The following REEP3 variants were observed in gnomAD, a reference collection of about 807,000 sequenced individuals.
REEP3 encodes receptor expression-enhancing protein 3.
REEP3 carries 20 observed loss-of-function variants against 41.3 expected under a neutral mutation model. The ratio of observed to expected loss-of-function variants is 0.48; its 90% confidence interval spans 0.34 to 0.70. REEP3 has a LOEUF of 0.70. Among genes scored for constraint, REEP3 ranks in the 30% least tolerant of loss-of-function variants. The pLI, the probability that REEP3 is intolerant of heterozygous loss-of-function variation, is 0.01. For synonymous variants in REEP3, 104 were observed against 101.8 expected, an observed-to-expected ratio of 1.02 and a Z score of -0.13; for missense variants, 271 against 308.8, an observed-to-expected ratio of 0.88 and a Z score of 0.92.
At chr10:63,535,538 A>G (rs996204128) in intron 1 of REEP3, among the ~76,000 whole-genome samples, 2 of 152,190 alleles carry the variant, frequency 1.3e-5, no homozygotes, top group Admixed American at 6.5e-5. Flanking sequence ...CCCAGAATCA[A>G]GAAGACAACT....
chr10:63,546,963 C>G, intron 1 of REEP3, among the ~76,000 whole-genome samples: 1 of 151,902 alleles, frequency 6.6e-6, no homozygotes, highest in East Asian at 2.0e-4. Flanking sequence ...ACTCTTTCAC[C>G]CAGGCTGGAG....
rs1173704687 is a variant in REEP3, at chr10:63,621,972, T to C, written c.*1103T>C. On this transcript the variant is annotated 3_prime_UTR_variant, in exon 8 of 8. Transcript: ENST00000373758. ...TGCAAAATACAGTTGTCATTAATCC[T>C]GCACATTAGAAATTATTAGAAACAT... 1 of 152,240 alleles carries C rather than the reference T, an allele frequency of 6.6e-6. No individual in the cohort carries two copies. The highest frequency in any genetic ancestry group is 2.4e-5 in the African/African-American group (1 of 41,468). The allele number at this position is 152,240 out of a possible 1,614,324, so 9.4% of individuals were successfully genotyped here. A position where few individuals can be genotyped will look rare whatever the true frequency, so the allele number is the denominator to read the frequency against.
intron 2 of REEP3, among the ~76,000 whole-genome samples, chr10:63,580,839 C>T (rs375927578): frequency 6.6e-6 from 1 of 152,000 alleles, no homozygotes; most frequent in African/African-American, 2.4e-5. Context: ...ATAGCAAGAC[C>T]CTACCTCTAC....
intron 5 of REEP3, among the ~76,000 whole-genome samples, chr10:63,604,944 GC>G (rs1437297324): frequency 1.1e-4 from 16 of 152,134 alleles, no homozygotes; most frequent in African/African-American, 3.9e-4. Flanking sequence ...GCAATTTTGT[GC>G]CCCTACCCTT....
intron 2 of REEP3, among the ~76,000 whole-genome samples, chr10:63,584,448 A>AAAC (rs1955985615): frequency 6.6e-6 from 1 of 151,396 alleles, no homozygotes; most frequent in Non-Finnish European, 1.5e-5. Flanking sequence ...AAAAAAAAAA[A>AAAC]AACTATTTTC....
At chr10:63,571,912 G>T (rs1182266579) in intron 2 of REEP3, among the ~76,000 whole-genome samples, 4 of 152,156 alleles carry the variant, frequency 2.6e-5, no homozygotes, top group Non-Finnish European at 4.4e-5. Context: ...ATTCTACCAT[G>T]CTACCTTTAG....
chr10:63,555,470 C>T (rs975779833), intron 1 of REEP3, among the ~76,000 whole-genome samples: 5 of 152,088 alleles, frequency 3.3e-5, no homozygotes, highest in African/African-American at 1.2e-4. Context: ...TGATGGCTGC[C>T]ATGGCAGAAA....
Position 63,562,414 on chromosome 10 carries a change from T to C in REEP3, c.33-3924T>C, listed in dbSNP as rs191110741. The stretch of plus-strand genomic sequence containing the variant: ...CTGGGATTACAGGCATGCATCACCA[T>C]GCCTGCTAATTTTTGTATTTTTAGT... On this transcript the variant is annotated intron_variant, in intron 1 of 7. Transcript: ENST00000373758. Among the ~76,000 whole-genome samples the C allele has an allele frequency of 4.4e-3, 666 of 152,138 alleles. 7 individuals are homozygous for C. The highest frequency in any genetic ancestry group is 0.015 in the African/African-American group (629 of 41,516).
At chr10:63,539,460 G>C (rs934128780) in intron 1 of REEP3, among the ~76,000 whole-genome samples, 2 of 152,136 alleles carry the variant, frequency 1.3e-5, no homozygotes, top group Non-Finnish European at 2.9e-5. Flanking sequence ...AAACATGGTT[G>C]ATAGACCATA....
chr10:63,562,570 T>G, intron 1 of REEP3: 1 of 456,514 alleles, frequency 2.2e-6, no homozygotes, highest in Non-Finnish European at 4.4e-6. Context: ...AGGCAGAGAT[T>G]GTTAATGATG....
rs547334475 is a variant in REEP3, at chr10:63,569,825, C to T, written c.105+3415C>T. On this transcript the variant is annotated intron_variant, in intron 2 of 7. Coordinates refer to ENST00000373758, the MANE Select transcript of REEP3 (RefSeq NM_001001330.3). The stretch of plus-strand genomic sequence containing the variant: ...GGTATGGTGGCATATGCCTGTAGTC[C>T]TAGCTACTGGAAAGGCTGAGGTGGG... Among the ~76,000 whole-genome samples, 3 of 152,132 alleles carry T rather than the reference C, an allele frequency of 2.0e-5. No individual in the cohort carries two copies. The South Asian group carries it at 6.2e-4, about 32-fold the overall frequency.
At chr10:63,558,751 T>TA (rs1955714188) in intron 1 of REEP3, among the ~76,000 whole-genome samples, 1 of 148,208 alleles carries the variant, frequency 6.7e-6, no homozygotes, top group Non-Finnish European at 1.5e-5. Flanking sequence ...TCAAAAAAAA[T>TA]AAAAAATAGT....
intron 1 of REEP3, among the ~76,000 whole-genome samples, chr10:63,533,944 G>A (rs1955450591): frequency 6.6e-6 from 1 of 151,898 alleles, no homozygotes; most frequent in Non-Finnish European, 1.5e-5. Flanking sequence ...CTGACCTCAG[G>A]TGATCTGCCC....
At chr10:63,549,766 G>T (rs1955611192) in intron 1 of REEP3, among the ~76,000 whole-genome samples, 1 of 152,148 alleles carries the variant, frequency 6.6e-6, no homozygotes, top group Non-Finnish European at 1.5e-5. Flanking sequence ...GAATGTTAGG[G>T]TACAGATAAG....
chr10:63,570,181 A>G (rs1955840127), intron 2 of REEP3, among the ~76,000 whole-genome samples: 2 of 152,240 alleles, frequency 1.3e-5, no homozygotes, highest in Admixed American at 1.3e-4. Context: ...TTTTTATTCA[A>G]CTTTATAAAG....
chr10:63,601,930 CTAA>C (rs1363233285), intron 5 of REEP3, among the ~76,000 whole-genome samples: 2 of 151,436 alleles, frequency 1.3e-5, no homozygotes, highest in Admixed American at 6.6e-5. Context: ...TCAAAAAATA[CTAA>C]TAATAAAATA....
At chr10:63,554,749 G>A (rs1251460083) in intron 1 of REEP3, among the ~76,000 whole-genome samples, 2 of 152,134 alleles carry the variant, frequency 1.3e-5, no homozygotes, top group African/African-American at 2.4e-5. Flanking sequence ...AGATTGTAGG[G>A]ACCATTGTCT....
chr10:63,588,137 G>A (rs143354933), intron 2 of REEP3, among the ~76,000 whole-genome samples: 190 of 152,094 alleles, frequency 1.2e-3, no homozygotes, highest in African/African-American at 4.3e-3. Context: ...CTAATATGCC[G>A]CCTACTGCAG....
intron 3 of REEP3, among the ~76,000 whole-genome samples, chr10:63,595,612 T>G (rs372038924): frequency 5.2e-4 from 79 of 152,264 alleles, no homozygotes; most frequent in African/African-American, 1.9e-3. Context: ...GGTCTTGCTC[T>G]GTTGCCTAGG....
Sources: gnomAD v4.1 joint callset for allele counts (sites outside exome capture counted in the v4.1 genomes callset) on GRCh38, gnomAD v4.1.1 for gene constraint, MANE v1.5 for transcripts, NCBI Gene and HGNC (gene_info 2026-07-23, HGNC 2026-07-21) for gene names.